SRL: variants seen among roughly 807,000 people sequenced by gnomAD.
SRL encodes the protein sarcalumenin.
Under a neutral mutation model 39.5 loss-of-function variants are expected in SRL, and 23 were observed. The ratio of observed to expected loss-of-function variants is 0.58; its 90% CI spans 0.42 to 0.82. The LOEUF (loss-of-function observed/expected upper bound fraction) is 0.82, where lower values mean the gene tolerates loss of function less well. Among genes scored for constraint, SRL ranks in the 40% least tolerant of loss-of-function variants. SRL has a pLI of 0.00. For synonymous variants in SRL, 272 were observed against 237.4 expected, an observed-to-expected ratio of 1.15 and a Z score of -1.34; for missense variants, 592 against 607.8, an observed-to-expected ratio of 0.97 and a Z score of 0.27.
At chr16:4,221,546 C>T (rs771704609) in intron 1 of SRL, among the ~76,000 whole-genome samples, 10 of 152,226 alleles carry the variant, frequency 6.6e-5, no homozygotes, top group Non-Finnish European at 1.2e-4. Flanking sequence ...GGGCCACCTC[C>T]AGCCCATGTC....
At chr16:4,241,971 C>T (rs2052777718) in intron 1 of SRL, 36 bp downstream of exon 1, 1 of 1,612,348 alleles carries the variant, frequency 6.2e-7, no homozygotes, top group African/African-American at 1.3e-5. Flanking sequence ...GCGTGGGGGA[C>T]CAGTCTGGGC....
intron 3 of SRL, 149 bp downstream of exon 3, chr16:4,203,017 C>A: frequency 1.4e-6 from 1 of 699,322 alleles, no homozygotes. Flanking sequence ...AGCCCAGACC[C>A]AGACCCACAA....
At chr16:4,204,505 C>A in intron 2 of SRL, 28 bp downstream of exon 2, 1 of 1,606,728 alleles carries the variant, frequency 6.2e-7, no homozygotes, top group Non-Finnish European at 8.5e-7. Flanking sequence ...CTCTCCCAGC[C>A]CTGGGCATAT....
chr16:4,211,153 C>T (rs1367676397), intron 1 of SRL, among the ~76,000 whole-genome samples: 4 of 147,096 alleles, frequency 2.7e-5, no homozygotes, highest in Non-Finnish European at 6.1e-5. Context: ...ATAGCACCAG[C>T]ATCATGATTA....
rs555999418 is a variant in SRL at position 4,210,486 on chromosome 16, C to CTTTTTTTTTT, written c.62-5862_62-5853dup. 5.8e-4 allele frequency among the ~76,000 whole-genome samples: 60 copies of CTTTTTTTTTT among 103,992 alleles called. 3 individuals are homozygous for CTTTTTTTTTT. The highest frequency in any genetic ancestry group is 7.0e-4 in the Non-Finnish European group (39 of 55,940). 68.2% of individuals were successfully genotyped at this position (103,992 alleles called of 152,430 possible). A position where few individuals can be genotyped will look rare whatever the true frequency, so the allele number is the denominator to read the frequency against. On this transcript the variant is annotated intron_variant, in intron 1 of 5. Coordinates refer to ENST00000399609, the MANE Select transcript of SRL (RefSeq NM_001098814.2). Reference sequence around the variant, plus strand: ...TTGGTAAAATGAGTATTACTCATATCTTTTTTTTTTTTTTTTTTTTTGAGA... The same window carrying CTTTTTTTTTT: ...TTGGTAAAATGAGTATTACTCATATCTTTTTTTTTTTTTTTTTTTTTTTTTTTTTTTGAGA...
At chr16:4,199,696 T>TTTTG (rs2052198622) in intron 3 of SRL, among the ~76,000 whole-genome samples, 1 of 137,578 alleles carries the variant, frequency 7.3e-6, no homozygotes, top group Admixed American at 7.2e-5. Context: ...TCTTTTCCTT[T>TTTTG]TTTTTTTTTT....
Position 4,192,240 on chromosome 16 carries a change from G to A in SRL, c.1335C>T (p.Ser445=), listed in dbSNP as rs1164078444. ...ITQELPGLLG[S]LGLGKNPGAL... is the part of the protein sequence containing the mutation. Reference sequence around the variant, plus strand: ...CACCTGGATTCTTCCCGAGCCCGAGGCTACCCAGGAGGCCCGGAAGCTCCT... The same window carrying A: ...CACCTGGATTCTTCCCGAGCCCGAGACTACCCAGGAGGCCCGGAAGCTCCT... The change falls in exon 6 of 6, where the codon AGC becomes AGT. Residue 445 remains serine (S), a synonymous_variant. Transcript: ENST00000399609. This position sits in a 1 kb window ranked among gnomAD's most constrained non-coding sequence, Gnocchi z 4.0. The A allele has an allele frequency of 3.7e-6, 6 of 1,612,486 alleles. No individual in the cohort carries two copies. The highest frequency in any genetic ancestry group is 5.1e-6 in the Non-Finnish European group (6 of 1,179,400).
intron 1 of SRL, among the ~76,000 whole-genome samples, chr16:4,214,739 C>T (rs552500841): frequency 5.5e-4 from 84 of 151,886 alleles, no homozygotes; most frequent in Non-Finnish European, 6.2e-4. Context: ...ACTGGGTAAA[C>T]ATTCACTGCT....
At chr16:4,216,400 T>C (rs2052460049) in intron 1 of SRL, among the ~76,000 whole-genome samples, 1 of 152,044 alleles carries the variant, frequency 6.6e-6, no homozygotes, top group South Asian at 2.1e-4. Flanking sequence ...GCCTCCTGAG[T>C]AGCCGGGACC....
intron 1 of SRL, among the ~76,000 whole-genome samples, chr16:4,230,561 G>C (rs76948845): frequency 2.1e-5 from 3 of 142,398 alleles, no homozygotes; most frequent in Non-Finnish European, 4.6e-5. Flanking sequence ...TTTTTTTTTT[G>C]TATCTTTAGT....
intron 4 of SRL, among the ~76,000 whole-genome samples, chr16:4,197,019 G>A (rs889784288): frequency 1.3e-5 from 2 of 150,094 alleles, no homozygotes; most frequent in African/African-American, 2.5e-5. Flanking sequence ...ATGGACATTG[G>A]TGCAGATGTC....
At chr16:4,208,809 A>G (rs2052357786) in intron 1 of SRL, among the ~76,000 whole-genome samples, 1 of 152,122 alleles carries the variant, frequency 6.6e-6, no homozygotes, top group Non-Finnish European at 1.5e-5. Context: ...TATCTAAAAC[A>G]GGCCGGGCCT....
chr16:4,224,353 CA>C (rs1244496663), intron 1 of SRL, among the ~76,000 whole-genome samples: 1 of 152,038 alleles, frequency 6.6e-6, no homozygotes, highest in African/African-American at 2.4e-5. Flanking sequence ...TACTGTCACA[CA>C]GTGGGAGGAA....
At position 4,213,404 on chromosome 16, in the gene SRL, C is replaced by CTT. The variant is rs1176583909; in HGVS notation, c.62-8772_62-8771dup. Among the ~76,000 whole-genome samples the CTT allele has an allele frequency of 3.9e-3, 274 of 69,594 alleles. 7 individuals are homozygous for CTT. The highest frequency in any genetic ancestry group is 0.017 in the African/African-American group (203 of 12,212). The allele number at this position is 69,594 out of a possible 152,430, so 45.7% of individuals were successfully genotyped here. On this transcript the variant is annotated intron_variant, in intron 1 of 5. Coordinates refer to ENST00000399609, the MANE Select transcript of SRL (RefSeq NM_001098814.2). ...CATCTTTTTTTTTCTTTTTCTTTTT[C>CTT]TTTTTTTTTTTTTTTTTTTTTTTTT...
intron 1 of SRL, among the ~76,000 whole-genome samples, chr16:4,236,382 CT>C (rs1448829075): frequency 1.3e-5 from 2 of 152,110 alleles, no homozygotes; most frequent in Non-Finnish European, 2.9e-5. Flanking sequence ...TCTTGGGTCC[CT>C]TCCTATCTTT....
At position 4,189,706 on chromosome 16, in the gene SRL, T is replaced by C. The variant is rs1695818020; in HGVS notation, c.*2447A>G. 1 of 152,274 alleles carries C rather than the reference T, an allele frequency of 6.6e-6. No individual in the cohort carries two copies. The highest frequency in any genetic ancestry group is 1.5e-5 in the Non-Finnish European group (1 of 68,066). 9.4% of individuals were successfully genotyped at this position (152,274 alleles called of 1,614,324 possible). ...AAAGCCCAAGGCAGGGAGAGCATGC[T>C]GATAACGCAGCCCCCTGAAAATATA... On this transcript the variant is annotated 3_prime_UTR_variant, in exon 6 of 6. Transcript: ENST00000399609.
chr16:4,205,353 C>G (rs1862862), intron 1 of SRL, among the ~76,000 whole-genome samples: 80,746 of 151,948 alleles, frequency 0.53, 22,450 homozygotes, highest in African/African-American at 0.69. Flanking sequence ...GGCTTTAGGG[C>G]TAGGTAGGAG....
intron 3 of SRL, among the ~76,000 whole-genome samples, chr16:4,199,047 C>T (rs78364010): frequency 0.043 from 6,584 of 152,272 alleles, 403 homozygotes; most frequent in East Asian, 0.31. Context: ...CTCTGGACTA[C>T]AGCACAGAGG....
At chr16:4,195,485 A>G (rs1242730626) in intron 5 of SRL, 68 bp downstream of exon 5, 1 of 1,479,784 alleles carries the variant, frequency 6.8e-7, no homozygotes, top group Non-Finnish European at 9.4e-7. Context: ...GGCATGAGCC[A>G]TCATGCCTGG....
Sources: gnomAD v4.1 joint callset for allele counts (sites outside exome capture counted in the v4.1 genomes callset) on GRCh38, gnomAD v4.1.1 for gene constraint, Gnocchi (gnomAD v3.1) non-coding constraint, MANE v1.5 for transcripts, NCBI Gene and HGNC (gene_info 2026-07-23, HGNC 2026-07-21) for gene names.